The following USP25 variants were observed in gnomAD, a reference collection of about 807,000 sequenced individuals.
USP25 encodes the protein ubiquitin carboxyl-terminal hydrolase 25.
In USP25, 85 loss-of-function variants were observed where a neutral mutation model predicts 158.5. The ratio of observed to expected loss-of-function variants is 0.54; its 90% CI spans 0.45 to 0.64. The LOEUF (loss-of-function observed/expected upper bound fraction) is 0.64. USP25 is among the 30% of genes least tolerant of loss of function. The pLI, the probability that USP25 is intolerant of heterozygous loss-of-function variation, is 0.00. For synonymous variants in USP25, 464 were observed against 460.4 expected, an observed-to-expected ratio of 1.01 and a Z score of -0.10; for missense variants, 1,242 against 1,327.3, an observed-to-expected ratio of 0.94 and a Z score of 1.00.
chr21:15,769,121 T>C lies in USP25; in HGVS notation c.268+2980T>C, dbSNP rs559222744. Among the ~76,000 whole-genome samples, 131 of 152,254 alleles carry C rather than the reference T, an allele frequency of 8.6e-4. No individual in the cohort carries two copies. The Middle Eastern group carries it at 0.014, about 16-fold the overall frequency. On this transcript the variant is annotated intron_variant, in intron 3 of 25. Coordinates refer to ENST00000400183, the MANE Select transcript of USP25 (RefSeq NM_001283041.3). Reference sequence around the variant, plus strand: ...ATATTTGGGGCATATGGAGAAATTTTTGTTTATGCATACCTGGTGTGTCAG... The same window carrying C: ...ATATTTGGGGCATATGGAGAAATTTCTGTTTATGCATACCTGGTGTGTCAG...
At chr21:15,736,945 C>G (rs77058076) in intron 1 of USP25, among the ~76,000 whole-genome samples, 11,325 of 148,600 alleles carry the variant, frequency 0.076, 484 homozygotes, top group East Asian at 0.1. Context: ...AGTTAACTCT[C>G]TGTGTTACCT....
At chr21:15,754,922 C>T (rs1162544669) in intron 1 of USP25, among the ~76,000 whole-genome samples, 5 of 152,140 alleles carry the variant, frequency 3.3e-5, no homozygotes, top group Non-Finnish European at 5.9e-5. Context: ...AATTCTTGGA[C>T]AGTGAGTATT....
At chr21:15,738,971 C>T (rs543398221) in intron 1 of USP25, among the ~76,000 whole-genome samples, 3 of 152,244 alleles carry the variant, frequency 2.0e-5, no homozygotes, top group Admixed American at 6.5e-5. Context: ...CCCTCTCACA[C>T]GCACCCTCTT....
chr21:15,801,623 G>A (rs2146257333), intron 6 of USP25, among the ~76,000 whole-genome samples: 1 of 151,596 alleles, frequency 6.6e-6, no homozygotes, highest in Middle Eastern at 3.4e-3. Flanking sequence ...GTGACAGCAG[G>A]TTTTTAAAAA....
intron 1 of USP25, among the ~76,000 whole-genome samples, chr21:15,735,495 G>C (rs988930846): frequency 7.2e-5 from 11 of 152,168 alleles, no homozygotes; most frequent in African/African-American, 2.2e-4. Flanking sequence ...TTTTATATAA[G>C]GGACTTTGAC....
At chr21:15,763,736 A>G (rs2033873458) in intron 2 of USP25, among the ~76,000 whole-genome samples, 1 of 152,218 alleles carries the variant, frequency 6.6e-6, no homozygotes, top group Non-Finnish European at 1.5e-5. Flanking sequence ...ATTTGTTTTT[A>G]GAAATAATCT....
At chr21:15,809,842 CAT>C (rs544508716) in intron 8 of USP25, among the ~76,000 whole-genome samples, 1 of 152,098 alleles carries the variant, frequency 6.6e-6, no homozygotes, top group Non-Finnish European at 1.5e-5. Flanking sequence ...GAAGTTCTGA[CAT>C]ATGGTGTAAC....
chr21:15,862,661 G>A (rs2039478685), intron 20 of USP25, among the ~76,000 whole-genome samples: 1 of 147,262 alleles, frequency 6.8e-6, no homozygotes, highest in South Asian at 2.2e-4. Context: ...CACACAGTAA[G>A]CGTTGATAAT....
At chr21:15,799,901 T>G in intron 6 of USP25, 58 bp downstream of exon 6, 1 of 1,176,540 alleles carries the variant, frequency 8.5e-7, no homozygotes. Context: ...CTCTTATATG[T>G]GATTGATTTT....
intron 9 of USP25, among the ~76,000 whole-genome samples, chr21:15,813,787 C>T (rs2036794554): frequency 6.6e-6 from 1 of 152,102 alleles, no homozygotes; most frequent in Admixed American, 6.5e-5. Context: ...GATTACTCCC[C>T]ATTTATTAAA....
intron 9 of USP25, among the ~76,000 whole-genome samples, chr21:15,814,973 A>T (rs896562196): frequency 2.0e-5 from 3 of 152,104 alleles, no homozygotes; most frequent in African/African-American, 7.2e-5. Flanking sequence ...CCCATCATAG[A>T]CCCAGAGAAG....
intron 20 of USP25, among the ~76,000 whole-genome samples, chr21:15,850,566 T>TC: frequency 6.6e-6 from 1 of 152,078 alleles, no homozygotes; most frequent in East Asian, 1.9e-4. Context: ...TTTTTTTTTT[T>TC]CACTCTTTTC....
chr21:15,801,902 G>A (rs890727461), intron 6 of USP25, among the ~76,000 whole-genome samples: 3 of 151,482 alleles, frequency 2.0e-5, no homozygotes, highest in African/African-American at 4.8e-5. Context: ...AGTAGACTTG[G>A]CAATTGCTTG....
At chr21:15,759,848 T>C (rs563418895) in intron 1 of USP25, among the ~76,000 whole-genome samples, 12 of 152,364 alleles carry the variant, frequency 7.9e-5, no homozygotes, top group Non-Finnish European at 1.3e-4. Context: ...TGGTTTACGG[T>C]ATAAAAACTG....
intron 21 of USP25, among the ~76,000 whole-genome samples, chr21:15,865,029 T>G (rs1406288876): frequency 6.6e-6 from 1 of 152,088 alleles, no homozygotes; most frequent in Non-Finnish European, 1.5e-5. Context: ...ACATATTTTC[T>G]CTGGAAAGAG....
At chr21:15,814,674 G>C (rs1407489211) in intron 9 of USP25, among the ~76,000 whole-genome samples, 1 of 134,860 alleles carries the variant, frequency 7.4e-6, no homozygotes, top group Non-Finnish European at 1.6e-5. Flanking sequence ...CTTTGAACTT[G>C]AGAGAGATGA....
intron 7 of USP25, among the ~76,000 whole-genome samples, chr21:15,808,374 G>T (rs1267584095): frequency 6.6e-6 from 1 of 152,178 alleles, no homozygotes; most frequent in African/African-American, 2.4e-5. Flanking sequence ...AAAGTGAATT[G>T]TGGAAAGAGA....
Position 15,864,406 on chromosome 21 carries a change from C to T in USP25, c.2686C>T (p.Leu896=), listed in dbSNP as rs200542879. The T allele has an allele frequency of 4.3e-5, 69 of 1,610,286 alleles. No individual in the cohort carries two copies. Among genetic ancestry groups the T allele is most frequent in the Non-Finnish European group, 7.6e-6 (9 of 1,179,076 alleles). Residue 896 remains leucine, a synonymous_variant, in exon 21 of 26, where the codon CTA becomes TTA. Coordinates refer to ENST00000400183, the MANE Select transcript of USP25 (RefSeq NM_001283041.3). ...AAAGAAAATTATTGAGAAAACATTACTAGAACAATTTGGAGATAGAAATTT... is the reference window on the plus strand; with the variant it reads ...AAAGAAAATTATTGAGAAAACATTATTAGAACAATTTGGAGATAGAAATTT... ...APKKIIEKTL[L]EQFGDRNLSF... is the part of the protein sequence containing the mutation.
chr21:15,738,254 G>A (rs1453804751), intron 1 of USP25, among the ~76,000 whole-genome samples: 1 of 151,816 alleles, frequency 6.6e-6, no homozygotes, highest in Non-Finnish European at 1.5e-5. Flanking sequence ...AAAGTTCTTT[G>A]CCTTTGTTCC....
Sources: gnomAD v4.1 joint callset for allele counts (sites outside exome capture counted in the v4.1 genomes callset) on GRCh38, gnomAD v4.1.1 for gene constraint, MANE v1.5 for transcripts, NCBI Gene and HGNC (gene_info 2026-07-23, HGNC 2026-07-21) for gene names.